The following TRIM43 variants were observed in gnomAD, a reference collection of about 807,000 sequenced individuals.
TRIM43 encodes tripartite motif containing 43, also known as tripartite motif-containing protein 43.
TRIM43 carries 12 observed loss-of-function variants against 27.7 expected under a neutral mutation model. The ratio of observed to expected loss-of-function variants is 0.43; its 90% CI spans 0.28 to 0.70. The LOEUF is 0.70. Among genes scored for constraint, TRIM43 ranks in the 30% least tolerant of loss-of-function variants. The pLI, the probability that TRIM43 is intolerant of heterozygous loss-of-function variation, is 0.17. For missense variants in TRIM43, 186 were observed against 356.5 expected, an observed-to-expected ratio of 0.52 and a Z score of 3.85; for synonymous variants, 64 against 121.9, an observed-to-expected ratio of 0.52 and a Z score of 3.13.
intron 3 of TRIM43, among the ~76,000 whole-genome samples, chr2:95,595,381 A>G (rs1215941771): frequency 3.3e-5 from 5 of 151,758 alleles, no homozygotes; most frequent in Non-Finnish European, 7.4e-5. Context: ...AAAATTAATA[A>G]GTATTTCAGA....
intron 2 of TRIM43, 146 bp from the exon 3 acceptor site, chr2:95,594,904 C>T (rs1685327154): frequency 4.4e-6 from 3 of 679,748 alleles, no homozygotes; most frequent in Non-Finnish European, 7.4e-6. Flanking sequence ...TGAAAAATAT[C>T]AATTAAGGAT....
At chr2:95,594,921 T>C in intron 2 of TRIM43, 129 bp from the exon 3 acceptor site, 2 of 780,108 alleles carry the variant, frequency 2.6e-6, no homozygotes, top group Admixed American at 3.2e-5. Flanking sequence ...GGATGAGCAA[T>C]GAAAAATTTT....
At chr2:95,592,722 C>T (rs1237209166) in intron 1 of TRIM43, among the ~76,000 whole-genome samples, 6 of 151,152 alleles carry the variant, frequency 4.0e-5, no homozygotes, top group South Asian at 4.2e-4. Flanking sequence ...GATCTAGACA[C>T]TTTGCCGTGT....
At chr2:95,595,394 G>A (rs1292065192) in intron 3 of TRIM43, among the ~76,000 whole-genome samples, 3 of 151,606 alleles carry the variant, frequency 2.0e-5, no homozygotes, top group Admixed American at 6.6e-5. Flanking sequence ...ATTTCAGACA[G>A]AGTTTTCTGT....
intron 2 of TRIM43, 135 bp from the exon 3 acceptor site, chr2:95,594,915 G>A (rs546803699): frequency 1.9e-5 from 14 of 721,822 alleles, no homozygotes; most frequent in Non-Finnish European, 3.1e-5. Context: ...AATTAAGGAT[G>A]AGCAATGAAA....
At chr2:95,594,597 T>C (rs1366138392) in intron 2 of TRIM43, among the ~76,000 whole-genome samples, 163 bp downstream of exon 2, 1 of 150,864 alleles carries the variant, frequency 6.6e-6, no homozygotes, top group Non-Finnish European at 1.5e-5. Context: ...AACTCTACCT[T>C]CCTTCATGGA....
rs1685276212 is a variant in TRIM43, at chr2:95,592,669, C to T, written c.-5+520C>T. Among the ~76,000 whole-genome samples, 2 of 151,148 alleles carry T rather than the reference C, an allele frequency of 1.3e-5. 1 individual carries two copies. The highest frequency in any genetic ancestry group is 4.2e-4 in the South Asian group (2 of 4,806). On this transcript the variant is annotated intron_variant, in intron 1 of 6. Coordinates refer to ENST00000272395, the MANE Select transcript of TRIM43 (RefSeq NM_138800.3). ...TACAGGCCTGAGCCACCGCGCCCGG[C>T]CTTTTTTTTTTAAATTTATATAAGT...
intron 3 of TRIM43, among the ~76,000 whole-genome samples, chr2:95,595,590 C>A (rs1373720930): frequency 6.7e-6 from 1 of 150,100 alleles, no homozygotes; most frequent in Non-Finnish European, 1.5e-5. Flanking sequence ...GGAGAAAATG[C>A]AACATGAGGA....
intron 1 of TRIM43, among the ~76,000 whole-genome samples, chr2:95,592,525 C>T (rs1225645394): frequency 6.6e-6 from 1 of 151,526 alleles, no homozygotes; most frequent in Admixed American, 6.6e-5. Flanking sequence ...CCTGCCACCA[C>T]GCCCAGCTAA....
intron 1 of TRIM43, among the ~76,000 whole-genome samples, chr2:95,592,896 GTT>G (rs766863867): frequency 7.1e-6 from 1 of 139,910 alleles, no homozygotes. Flanking sequence ...CCTAGTTTTT[GTT>G]TTTTTTTTTT....
intron 1 of TRIM43, among the ~76,000 whole-genome samples, 185 bp downstream of exon 1, chr2:95,592,334 A>G (rs1289207254): frequency 2.0e-5 from 3 of 151,712 alleles, no homozygotes; most frequent in Non-Finnish European, 2.9e-5. Flanking sequence ...AGGTTTATGG[A>G]TTAAACATGG....
At chr2:95,595,759 A>T (rs1573642557) in intron 3 of TRIM43, among the ~76,000 whole-genome samples, 1 of 151,532 alleles carries the variant, frequency 6.6e-6, no homozygotes, top group Admixed American at 6.6e-5. Flanking sequence ...GAGACAGAAA[A>T]GAGGTAGTCA....
In TRIM43 at chr2:95,596,371, T is replaced by TGA. The variant is rs756637116; in HGVS notation, c.678_679dup (p.Lys227ArgfsTer8). On this transcript the variant is annotated frameshift_variant, in exon 4 of 7. Transcript: ENST00000272395. LOFTEE classifies it high-confidence loss of function. ...AAAATGGATCAAAAGAGTAAACACT[T>TGA]GAAAGAAATGTATCAGGAACTAATG... 3.7e-6 allele frequency: 6 copies of TGA among 1,605,796 alleles called. No individual in the cohort carries two copies. The highest frequency in any genetic ancestry group is 3.4e-6 in the Non-Finnish European group (4 of 1,175,276).
rs542376163 is a variant in TRIM43 at position 95,595,776 on chromosome 2, G to A, written c.508-426G>A. Reference sequence around the variant, plus strand: ...GACAGAAAAGAGGTAGTCAGTTTGAGAGATGGGGGTTAAATTTTTTACTAA... The same window carrying A: ...GACAGAAAAGAGGTAGTCAGTTTGAAAGATGGGGGTTAAATTTTTTACTAA... On this transcript the variant is annotated intron_variant, in intron 3 of 6. Coordinates refer to ENST00000272395, the MANE Select transcript of TRIM43 (RefSeq NM_138800.3). 5.3e-5 allele frequency among the ~76,000 whole-genome samples: 8 copies of A among 151,606 alleles called. No homozygotes were observed. The East Asian group carries it at 1.5e-3, about 29-fold the overall frequency.
intron 3 of TRIM43, 42 bp from the exon 4 acceptor site, chr2:95,596,160 G>A: frequency 6.2e-7 from 1 of 1,601,068 alleles, no homozygotes; most frequent in Non-Finnish European, 8.5e-7. Context: ...TGAGGTGGAA[G>A]TAGGCCTGGG....
At chr2:95,594,819 A>T (rs913065804) in intron 2 of TRIM43, among the ~76,000 whole-genome samples, 2 of 151,488 alleles carry the variant, frequency 1.3e-5, no homozygotes, top group African/African-American at 4.9e-5. Context: ...TGTTTCCCTG[A>T]ACTAATTTAG....
Position 95,593,908 on chromosome 2 carries a change from A to G in TRIM43, c.-4-112A>G. On this transcript the variant is annotated intron_variant, in intron 1 of 6. Transcript: ENST00000272395. ...TTTCTGTCATTGCAGATTAAAGCCT[A>G]TACTTCTTTAGAAAGAAAGGATATT... is the stretch of plus-strand genomic sequence containing the variant. 5.2e-6 allele frequency: 8 copies of G among 1,530,888 alleles called. 1 individual carries two copies. Among genetic ancestry groups the G allele is most frequent in the South Asian group, 4.0e-5 (3 of 75,692 alleles). 94.8% of individuals were successfully genotyped at this position (1,530,888 alleles called of 1,614,324 possible).
At chr2:95,594,752 G>A (rs1685323601) in intron 2 of TRIM43, among the ~76,000 whole-genome samples, 1 of 150,952 alleles carries the variant, frequency 6.6e-6, no homozygotes, top group Non-Finnish European at 1.5e-5. Context: ...GGACAAATGA[G>A]TATGGGAGTA....
intron 1 of TRIM43, among the ~76,000 whole-genome samples, chr2:95,592,903 T>C (rs982693300): frequency 1.3e-5 from 2 of 151,536 alleles, no homozygotes; most frequent in Admixed American, 6.6e-5. Context: ...TTTGTTTTTT[T>C]TTTTTAGAGG....
Sources: gnomAD v4.1 joint callset for allele counts (sites outside exome capture counted in the v4.1 genomes callset) on GRCh38, gnomAD v4.1.1 for gene constraint, MANE v1.5 for transcripts, NCBI Gene and HGNC (gene_info 2026-07-23, HGNC 2026-07-21) for gene names.